The following DPP6 variants were observed in gnomAD, a reference collection of about 807,000 sequenced individuals.
The protein encoded by DPP6 is dipeptidyl peptidase like 6.
In DPP6, 69 loss-of-function variants were observed where a neutral mutation model predicts 122.6. That is an observed-to-expected ratio of 0.56 (90% CI 0.46 to 0.69). The LOEUF (loss-of-function observed/expected upper bound fraction) is 0.69. DPP6 is among the 30% of genes least tolerant of loss of function. DPP6 has a pLI of 0.00. For missense variants in DPP6, 928 were observed against 1,116.9 expected, an observed-to-expected ratio of 0.83 and a Z score of 2.41; for synonymous variants, 418 against 433.1, an observed-to-expected ratio of 0.97 and a Z score of 0.43.
chr7:154,364,005 G>A (rs1246359494), intron 1 of DPP6, among the ~76,000 whole-genome samples: 2 of 152,182 alleles, frequency 1.3e-5, no homozygotes, highest in African/African-American at 2.4e-5. Context: ...GCGGTGGGGA[G>A]TGTGTTGTCT....
chr7:154,747,821 G>A lies in DPP6; in HGVS notation c.883+19934G>A, dbSNP rs74939737. On this transcript the variant is annotated intron_variant, in intron 8 of 25. Transcript: ENST00000377770. ...ACTGACACCCTAGTTTTTTCTGTACGGTGCATGGGAAAATGTATAATAAAA... is the reference window on the plus strand; with the variant it reads ...ACTGACACCCTAGTTTTTTCTGTACAGTGCATGGGAAAATGTATAATAAAA... 1.5e-3 allele frequency among the ~76,000 whole-genome samples: 221 copies of A among 152,144 alleles called. 2 individuals are homozygous for A. The East Asian group carries it at 0.039, about 27-fold the overall frequency.
Position 154,286,028 on chromosome 7 carries a change from G to A in DPP6, c.244-160186G>A, listed in dbSNP as rs28544480. On this transcript the variant is annotated intron_variant, in intron 1 of 25. Transcript: ENST00000377770. ...TGAAATATACCTCTAAGAAAATATC[G>A]GTAATTTCTCAGTATTTTAAAAACA... is the stretch of plus-strand genomic sequence containing the variant. 9.2e-3 allele frequency among the ~76,000 whole-genome samples: 1,407 copies of A among 152,130 alleles called. 18 individuals carry two copies. The highest frequency in any genetic ancestry group is 0.03 in the African/African-American group (1,262 of 41,480).
chr7:154,523,436 C>T (rs1318937151), intron 3 of DPP6, among the ~76,000 whole-genome samples: 1 of 152,108 alleles, frequency 6.6e-6, no homozygotes, highest in Non-Finnish European at 1.5e-5. Context: ...AAACATGCAT[C>T]TCCAAAGTGT....
At chr7:153,831,853 G>T in the DPP6 span, among the ~76,000 whole-genome samples, 1 of 152,128 alleles carries the variant, frequency 6.6e-6, no homozygotes, top group Non-Finnish European at 1.5e-5. Context: ...TGGGCTCTAG[G>T]TCACTGTAGA....
intron 10 of DPP6, among the ~76,000 whole-genome samples, chr7:154,781,941 G>A (rs1384854467): frequency 1.3e-5 from 2 of 152,286 alleles, no homozygotes; most frequent in South Asian, 2.1e-4. Context: ...CAAACAAATG[G>A]ACTAATAAAA....
intron 1 of DPP6, among the ~76,000 whole-genome samples, chr7:153,915,943 TTTTATTTATTTATTTA>T (rs141267507): frequency 2.7e-5 from 4 of 146,972 alleles, no homozygotes; most frequent in Admixed American, 1.4e-4. Flanking sequence ...CTCCTCTGAT[TTTTATTTATTTATTTA>T]TTTATTTATT....
chr7:154,143,838 C>A (rs868688391), intron 1 of DPP6, among the ~76,000 whole-genome samples: 3,751 of 140,160 alleles, frequency 0.027, no homozygotes, highest in African/African-American at 0.11. Flanking sequence ...TCCAATTATA[C>A]GCAATAGCAC....
chr7:154,695,322 A>G (rs1183955849), intron 7 of DPP6, among the ~76,000 whole-genome samples: 1 of 152,214 alleles, frequency 6.6e-6, no homozygotes, highest in Admixed American at 6.5e-5. Flanking sequence ...TCAAACGAAT[A>G]CTATGAGCCA....
chr7:154,284,607 C>T (rs1804733120), intron 1 of DPP6, among the ~76,000 whole-genome samples: 1 of 152,238 alleles, frequency 6.6e-6, no homozygotes, highest in Admixed American at 6.5e-5. Context: ...GTAATCCCAG[C>T]ACTTTGGGAG....
intron 8 of DPP6, among the ~76,000 whole-genome samples, chr7:154,766,429 C>T (rs1041000243): frequency 6.6e-6 from 1 of 152,146 alleles, no homozygotes; most frequent in African/African-American, 2.4e-5. Context: ...ATTCTCCTGC[C>T]TCAGCCTCCC....
At chr7:153,802,979 G>A in the DPP6 span, among the ~76,000 whole-genome samples, 1 of 151,612 alleles carries the variant, frequency 6.6e-6, no homozygotes, top group Non-Finnish European at 1.5e-5. Context: ...CCGGCAGGCA[G>A]GCAGGGTGGT....
chr7:154,856,891 C>A (rs1802881867), intron 17 of DPP6, among the ~76,000 whole-genome samples: 1 of 152,222 alleles, frequency 6.6e-6, no homozygotes, highest in Non-Finnish European at 1.5e-5. Context: ...TGCCTGTACT[C>A]CCTTCTTCTC....
At chr7:154,418,396 C>T (rs1033212226) in intron 1 of DPP6, among the ~76,000 whole-genome samples, 1 of 152,186 alleles carries the variant, frequency 6.6e-6, no homozygotes, top group African/African-American at 2.4e-5. Flanking sequence ...CAGCAAAGAA[C>T]CTTGTTTACA....
intron 1 of DPP6, among the ~76,000 whole-genome samples, chr7:153,926,754 A>T (rs61289554): frequency 1.1e-3 from 161 of 152,226 alleles, no homozygotes; most frequent in African/African-American, 3.8e-3. Flanking sequence ...GTAGCATTCC[A>T]TGAAATAAAC....
chr7:154,086,029 A>T (rs1037056407), intron 1 of DPP6, among the ~76,000 whole-genome samples: 1 of 151,920 alleles, frequency 6.6e-6, no homozygotes, highest in East Asian at 2.0e-4. Context: ...CCCAGCCAGC[A>T]TTTATTTCTA....
At chr7:154,777,614 G>C (rs75895569) in intron 10 of DPP6, among the ~76,000 whole-genome samples, 1 of 152,182 alleles carries the variant, frequency 6.6e-6, no homozygotes, top group African/African-American at 2.4e-5. Flanking sequence ...GAGCAGTTGA[G>C]CTGCGTGTTG....
intron 5 of DPP6, among the ~76,000 whole-genome samples, chr7:154,633,145 A>C (rs1291964742): frequency 6.6e-6 from 1 of 152,250 alleles, no homozygotes; most frequent in Non-Finnish European, 1.5e-5. Flanking sequence ...TTAGAAAAAT[A>C]ACTGAAAGCA....
At chr7:153,851,004 T>A in the DPP6 span, among the ~76,000 whole-genome samples, 1 of 152,196 alleles carries the variant, frequency 6.6e-6, no homozygotes, top group Non-Finnish European at 1.5e-5. Context: ...ACAGATATCA[T>A]TTTTTTCCTG....
intron 1 of DPP6, among the ~76,000 whole-genome samples, chr7:154,426,783 G>A (rs1402964706): frequency 1.4e-5 from 2 of 140,392 alleles, no homozygotes; most frequent in South Asian, 2.2e-4. Flanking sequence ...AACATCAGCC[G>A]AGTAAGTTAT....
Sources: allele counts gnomAD v4.1 joint callset (sites outside exome capture counted in the v4.1 genomes callset), GRCh38; gene constraint gnomAD v4.1.1; transcripts MANE v1.5; gene names NCBI Gene and HGNC (gene_info 2026-07-23, HGNC 2026-07-21).